COL6A5: variants seen among roughly 807,000 people sequenced by gnomAD.
COL6A5 encodes collagen type VI alpha 5 chain.
In COL6A5, 48 loss-of-function variants were observed where a neutral mutation model predicts 65.6. The ratio of observed to expected loss-of-function variants is 0.73; its 90% CI spans 0.58 to 0.93. The LOEUF (loss-of-function observed/expected upper bound fraction) is 0.93, where lower values mean the gene tolerates loss of function less well. Among genes scored for constraint, COL6A5 ranks in the 40% least tolerant of loss-of-function variants. The pLI, the probability that COL6A5 is intolerant of heterozygous loss-of-function variation, is 0.00. For synonymous variants in COL6A5, 291 were observed against 322.8 expected (o/e 0.90, Z 1.05); for missense variants, 914 against 928.3 (o/e 0.98, Z 0.20).
In COL6A5 at chr3:130,391,773, A is replaced by G. The variant is rs1287397699; in HGVS notation, c.2992+19A>G. ...CCAGAGGGTAAGTTGTTACTTTTAA[A>G]GTTTCTATGGGGGTAGCAATAAAAG... On this transcript the variant is annotated intron_variant and NMD_transcript_variant, in intron 7 of 41. Coordinates refer to the COL6A5 transcript ENST00000312481. 1 of 1,512,298 alleles carries G rather than the reference A, an allele frequency of 6.6e-7. No individual in the cohort carries two copies. Among genetic ancestry groups the G allele is most frequent in the African/African-American group, 1.4e-5 (1 of 71,616 alleles). 93.7% of individuals were successfully genotyped at this position (1,512,298 alleles called of 1,614,324 possible). A position where few individuals can be genotyped will look rare whatever the true frequency, so the allele number is the denominator to read the frequency against.
chr3:130,422,237 A>G (rs576107048), intron 27 of COL6A5, among the ~76,000 whole-genome samples: 1 of 152,194 alleles, frequency 6.6e-6, no homozygotes, highest in South Asian at 2.1e-4. Flanking sequence ...CAATTTTCCA[A>G]TTTACTGATA....
chr3:130,451,683 A>G (rs2107594289), intron 4 of COL6A5, among the ~76,000 whole-genome samples: 1 of 152,082 alleles, frequency 6.6e-6, no homozygotes, highest in East Asian at 1.9e-4. Context: ...AAGAAATAAG[A>G]TCATCGGGGG....
intron 1 of COL6A5, among the ~76,000 whole-genome samples, chr3:130,439,047 T>C (rs1709104405): frequency 6.6e-6 from 1 of 152,154 alleles, no homozygotes; most frequent in Non-Finnish European, 1.5e-5. Context: ...TAGAGTGGAC[T>C]GGAAATAGTT....
intron 1 of COL6A5, among the ~76,000 whole-genome samples, chr3:130,354,118 GGAAGGAAGGAAA>G (rs1934829793): frequency 6.7e-6 from 1 of 149,970 alleles, no homozygotes. Context: ...GAAAGGGGAA[GGAAGGAAGGAAA>G]GAAGGAAGGA....
At chr3:130,386,286 G>A (rs1329298851) in intron 5 of COL6A5, among the ~76,000 whole-genome samples, 5 of 152,024 alleles carry the variant, frequency 3.3e-5, no homozygotes, top group Non-Finnish European at 7.4e-5. Flanking sequence ...TAGGCTTATT[G>A]TGAAGCTTAA....
chr3:130,432,547 CAAAA>C (rs112983846), intron 1 of COL6A5, among the ~76,000 whole-genome samples: 5 of 129,178 alleles, frequency 3.9e-5, no homozygotes, highest in Admixed American at 1.6e-4. Flanking sequence ...AAGACTCTGT[CAAAA>C]AAAAAAAAAA....
intron 5 of COL6A5, among the ~76,000 whole-genome samples, chr3:130,386,484 ATAAG>A (rs1360235419): frequency 2.0e-5 from 3 of 152,122 alleles, no homozygotes; most frequent in Non-Finnish European, 4.4e-5. Flanking sequence ...AAAATAAAAA[ATAAG>A]TAAGCAAATA....
At chr3:130,388,647 T>C (rs1229913686) in exon 6 of COL6A5, 2 of 1,551,086 alleles carry the variant, frequency 1.3e-6, no homozygotes, top group African/African-American at 2.7e-5. Context: ...GAAATGAAAA[T>C]TTTAGGAAAA....
At chr3:130,482,079 G>C (rs1710261385) in intron 7 of COL6A5, among the ~76,000 whole-genome samples, 1 of 152,070 alleles carries the variant, frequency 6.6e-6, no homozygotes, top group South Asian at 2.1e-4. Flanking sequence ...TTTGGCTTTT[G>C]TTGCAATTGC....
At position 130,403,595 on chromosome 3, in the gene COL6A5, C is replaced by T; in HGVS notation, c.4228-14C>T. 6.5e-7 allele frequency: 1 copy of T among 1,549,878 alleles called. No individual in the cohort carries two copies. Among genetic ancestry groups the T allele is most frequent in the African/African-American group, 1.4e-5 (1 of 73,040 alleles). On this transcript the variant is annotated splice_polypyrimidine_tract_variant and intron_variant and NMD_transcript_variant, in intron 12 of 41. Coordinates refer to the COL6A5 transcript ENST00000312481. ...GGGGGTGACTAAAATGTATTGTTCT[C>T]TCTTTCTTCCCAGGGTTCTCAAGGT...
intron 12 of COL6A5, among the ~76,000 whole-genome samples, chr3:130,402,339 C>A (rs1936844582): frequency 6.6e-6 from 1 of 152,106 alleles, no homozygotes; most frequent in Admixed American, 6.5e-5. Context: ...ACAAAAAGAT[C>A]ATAGCATTGC....
intron 1 of COL6A5, among the ~76,000 whole-genome samples, chr3:130,438,470 A>G (rs927449909): frequency 1.3e-5 from 2 of 152,246 alleles, no homozygotes; most frequent in Admixed American, 6.5e-5. Flanking sequence ...TCCTTGGTTT[A>G]CCAGGTCAAC....
intron 1 of COL6A5, among the ~76,000 whole-genome samples, chr3:130,358,249 CTT>C (rs1382523384): frequency 1.3e-5 from 2 of 152,014 alleles, no homozygotes; most frequent in East Asian, 1.9e-4. Context: ...CAACACCACT[CTT>C]TAACCACTTT....
At chr3:130,434,158 A>G (rs553734905) in intron 1 of COL6A5, among the ~76,000 whole-genome samples, 1 of 151,786 alleles carries the variant, frequency 6.6e-6, no homozygotes, top group Admixed American at 6.6e-5. Context: ...TCAACATTCA[A>G]CTCCCAATTA....
intron 3 of COL6A5, 29 bp downstream of exon 3, chr3:130,376,865 C>T (rs781367899): frequency 1.5e-5 from 24 of 1,574,142 alleles, no homozygotes; most frequent in Non-Finnish European, 2.0e-5. Context: ...GAAGAGGTGC[C>T]TGATCCCCAG....
At chr3:130,419,647 G>A (rs1937467288) in intron 25 of COL6A5, among the ~76,000 whole-genome samples, 1 of 152,086 alleles carries the variant, frequency 6.6e-6, no homozygotes, top group Non-Finnish European at 1.5e-5. Context: ...ATTATGTGAA[G>A]TGAAATAAAC....
At chr3:130,407,108 A>C (rs1937020388) in intron 17 of COL6A5, among the ~76,000 whole-genome samples, 1 of 152,202 alleles carries the variant, frequency 6.6e-6, no homozygotes. Flanking sequence ...TTCCTGGAGG[A>C]AATGACTTCT....
chr3:130,390,864 C>G (rs1438088150), intron 6 of COL6A5, among the ~76,000 whole-genome samples: 2 of 152,160 alleles, frequency 1.3e-5, no homozygotes, highest in African/African-American at 4.8e-5. Context: ...CAGTTGAAAG[C>G]CTGCTTAGCA....
intron 2 of COL6A5, among the ~76,000 whole-genome samples, chr3:130,373,907 C>A (rs1458375344): frequency 1.3e-5 from 2 of 152,100 alleles, no homozygotes; most frequent in Admixed American, 6.5e-5. Context: ...TTGCACCTGG[C>A]TAGAAAAACT....
Sources: allele counts gnomAD v4.1 joint callset (sites outside exome capture counted in the v4.1 genomes callset), GRCh38; gene constraint gnomAD v4.1.1; transcripts MANE v1.5; gene names NCBI Gene and HGNC (gene_info 2026-07-23, HGNC 2026-07-21).